Variants in STAT5B observed in about 807,000 individuals in gnomAD.
STAT5B encodes transcription factor STAT5B.
A neutral mutation model predicts 107.8 loss-of-function variants in STAT5B; 21 were observed. The ratio of observed to expected loss-of-function variants is 0.19; its 90% confidence interval spans 0.14 to 0.28. The LOEUF (loss-of-function observed/expected upper bound fraction) is 0.28, where lower values mean the gene tolerates loss of function less well. Among genes scored for constraint, STAT5B ranks in the 10% least tolerant of loss-of-function variants. STAT5B has a pLI of 1.00. For missense variants in STAT5B, 565 were observed against 1,008.2 expected, an observed-to-expected ratio of 0.56 and a Z score of 5.95; for synonymous variants, 325 against 401.7, an observed-to-expected ratio of 0.81 and a Z score of 2.28.
intron 1 of STAT5B, among the ~76,000 whole-genome samples, chr17:42,262,883 C>CATATATATGTGTGTATATATATGTGT (rs1400684785): frequency 9.4e-6 from 1 of 106,644 alleles, no homozygotes; most frequent in Non-Finnish European, 1.9e-5. Flanking sequence ...TATATATACA[C>CATATATATGTGTGTATATATATGTGT]ATATATATGT....
chr17:42,286,320 G>T, the STAT5B span, among the ~76,000 whole-genome samples: 3 of 151,512 alleles, frequency 2.0e-5, no homozygotes, highest in African/African-American at 7.3e-5. Context: ...GAGACCAAAT[G>T]AGGGATGGTC....
At chr17:42,215,127 T>A (rs1443693532) in intron 12 of STAT5B, among the ~76,000 whole-genome samples, 1 of 152,184 alleles carries the variant, frequency 6.6e-6, no homozygotes, top group African/African-American at 2.4e-5. Context: ...CCAAATTATA[T>A]CTTCCTTGAG....
chr17:42,259,237 A>G (rs1305556051), intron 1 of STAT5B, among the ~76,000 whole-genome samples: 2 of 152,190 alleles, frequency 1.3e-5, no homozygotes, highest in Non-Finnish European at 2.9e-5. Flanking sequence ...CTTGGGCTCA[A>G]GCGATCCTCC....
chr17:42,209,970 T>C (rs995251532), intron 15 of STAT5B, among the ~76,000 whole-genome samples: 11 of 152,234 alleles, frequency 7.2e-5, no homozygotes, highest in African/African-American at 1.4e-4. Flanking sequence ...TACTTTCATG[T>C]ATAACCAAAT....
chr17:42,247,441 T>C (rs1389235030), intron 1 of STAT5B, among the ~76,000 whole-genome samples: 1 of 152,212 alleles, frequency 6.6e-6, no homozygotes, highest in East Asian at 1.9e-4. Flanking sequence ...ACTGAATATG[T>C]TTTAGTTAAA....
At chr17:42,267,730 G>A (rs948517984) in intron 1 of STAT5B, among the ~76,000 whole-genome samples, 2 of 152,108 alleles carry the variant, frequency 1.3e-5, no homozygotes, top group African/African-American at 2.4e-5. Context: ...AGGTCAAAGT[G>A]GGTGGATCAC....
intron 1 of STAT5B, chr17:42,268,486 TAA>T (rs2080693757): frequency 1.3e-5 from 2 of 152,278 alleles, no homozygotes; most frequent in South Asian, 4.1e-4. Context: ...CATGTATCAT[TAA>T]GTGACAAACG....
intron 12 of STAT5B, chr17:42,214,371 A>C (rs2080154370): frequency 2.0e-6 from 2 of 985,260 alleles, no homozygotes; most frequent in Admixed American, 1.2e-4. Context: ...AGACAGTTTC[A>C]AAAAGGAGCT....
chr17:42,201,994 A>G, intron 18 of STAT5B, 130 bp from the exon 19 acceptor site: 1 of 852,950 alleles, frequency 1.2e-6, no homozygotes, highest in Non-Finnish European at 1.9e-6. Flanking sequence ...TGGGAAAAGA[A>G]CAACCATTCA....
At chr17:42,239,246 C>CA (rs770177992) in intron 1 of STAT5B, among the ~76,000 whole-genome samples, 3,957 of 51,386 alleles carry the variant, frequency 0.077, 304 homozygotes, top group African/African-American at 0.18. Context: ...GACTCTGTCT[C>CA]AAAAAAAAAA....
At chr17:42,265,290 A>T (rs2080658178) in intron 1 of STAT5B, among the ~76,000 whole-genome samples, 1 of 151,670 alleles carries the variant, frequency 6.6e-6, no homozygotes, top group Non-Finnish European at 1.5e-5. Flanking sequence ...GCCCATGCCT[A>T]TTTGTACAAA....
chr17:42,254,558 T>G (rs943932298), intron 1 of STAT5B, among the ~76,000 whole-genome samples: 1 of 152,144 alleles, frequency 6.6e-6, no homozygotes, highest in Non-Finnish European at 1.5e-5. Context: ...CCCCTTCATT[T>G]TGGTTCTCTT....
Position 42,216,032 on chromosome 17 carries a change from G to A in STAT5B, c.1455C>T (p.Asp485=), listed in dbSNP as rs777993133. Residue 485 remains aspartate, a synonymous_variant, in exon 12 of 19, where the codon GAC becomes GAT. Transcript: ENST00000293328. ...DNNATATVLW[D]NAFAEPGRVP... ...CACTCACAGGCTCTGCAAAAGCATT[G>A]TCCCAGAGAACAGTGGCCGTCGCAT... 1.9e-5 allele frequency: 30 copies of A among 1,613,946 alleles called. 1 individual carries two copies. In the South Asian group the frequency reaches 3.1e-4, roughly 17 times the overall value.
At chr17:42,215,644 A>C (rs1598300859) in intron 12 of STAT5B, among the ~76,000 whole-genome samples, 1 of 152,064 alleles carries the variant, frequency 6.6e-6, no homozygotes, top group South Asian at 2.1e-4. Flanking sequence ...ATTGAGATGG[A>C]GTCTCACTCT....
At chr17:42,234,752 C>T (rs1407691717) in intron 1 of STAT5B, 1 of 152,220 alleles carries the variant, frequency 6.6e-6, no homozygotes, top group African/African-American at 2.4e-5. Context: ...ATTCCAGCTA[C>T]TTGGGAGGCT....
intron 3 of STAT5B, 96 bp from the exon 4 acceptor site, chr17:42,224,964 A>T: frequency 8.4e-7 from 1 of 1,196,050 alleles, no homozygotes; most frequent in Non-Finnish European, 1.2e-6. Context: ...GGACCTCCTG[A>T]ATCACAGGAG....
intron 7 of STAT5B, 29 bp downstream of exon 7, chr17:42,219,283 C>T (rs749559204): frequency 8.1e-5 from 129 of 1,588,600 alleles, no homozygotes; most frequent in Non-Finnish European, 1.1e-4. Context: ...CCCCTCCTGC[C>T]CTGCCCGCTG....
chr17:42,199,493 G>A lies in STAT5B; in HGVS notation c.*2245C>T, dbSNP rs576042434. ...ACGGAGCTGAAACTTTTGAGGACTT[G>A]TGTGTGTCTGGGAGTGGGTGAGAGG... On this transcript the variant is annotated 3_prime_UTR_variant, in exon 19 of 19. Transcript: ENST00000293328. 68 of 152,458 alleles carry A rather than the reference G, an allele frequency of 4.5e-4. No homozygotes were observed. The highest frequency in any genetic ancestry group is 1.5e-3 in the African/African-American group (64 of 41,568). The allele number at this position is 152,458 out of a possible 1,614,324, so 9.4% of individuals were successfully genotyped here. A position where few individuals can be genotyped will look rare whatever the true frequency, so the allele number is the denominator to read the frequency against.
chr17:42,264,328 G>A (rs895859668), intron 1 of STAT5B, among the ~76,000 whole-genome samples: 1 of 151,110 alleles, frequency 6.6e-6, no homozygotes, highest in African/African-American at 2.4e-5. Flanking sequence ...TCTGGCATTA[G>A]GTATATCTCC....
Sources: allele counts gnomAD v4.1 joint callset (sites outside exome capture counted in the v4.1 genomes callset), GRCh38; gene constraint gnomAD v4.1.1; transcripts MANE v1.5; gene names NCBI Gene and HGNC (gene_info 2026-07-23, HGNC 2026-07-21).